RALGPS1: variants seen among roughly 807,000 people sequenced by gnomAD.
RALGPS1 encodes ras-specific guanine nucleotide-releasing factor RalGPS1.
Under a neutral mutation model 78.8 loss-of-function variants are expected in RALGPS1, and 19 were observed. The ratio of observed to expected loss-of-function variants is 0.24; its 90% CI spans 0.17 to 0.35. RALGPS1 has a LOEUF of 0.35. RALGPS1 is among the 10% of genes least tolerant of loss of function. RALGPS1 has a pLI of 1.00. For synonymous variants in RALGPS1, 228 were observed against 256.3 expected, an observed-to-expected ratio of 0.89 and a Z score of 1.06; for missense variants, 454 against 688.3, an observed-to-expected ratio of 0.66 and a Z score of 3.81.
chr9:126,945,348 A>T (rs774069198), intron 1 of RALGPS1, among the ~76,000 whole-genome samples: 1 of 151,784 alleles, frequency 6.6e-6, no homozygotes, highest in African/African-American at 2.4e-5. Flanking sequence ...ACAGGCACTC[A>T]CCACTACACC....
Position 127,212,989 on chromosome 9 carries a change from G to A in RALGPS1, c.1492G>A (p.Val498Met). ...GKKVSIVGWMVQLPDDPEHPD... is the reference protein window; with the variant it reads ...GKKVSIVGWMMQLPDDPEHPD... ...AAAGGTTTCCATCGTGGGCTGGATGGTGCAGCTGCCCGATGACCCCGAGCA... is the reference window on the plus strand; with the variant it reads ...AAAGGTTTCCATCGTGGGCTGGATGATGCAGCTGCCCGATGACCCCGAGCA... The change falls in exon 17 of 19, where the codon GTG (valine) becomes ATG (methionine). Residue 498 changes from valine to methionine, a missense_variant. Transcript: ENST00000259351. This position sits in a 1 kb window ranked among gnomAD's most constrained non-coding sequence, Gnocchi z 6.0. 6.2e-7 allele frequency: 1 copy of A among 1,614,196 alleles called. No individual in the cohort carries two copies. The highest frequency in any genetic ancestry group is 8.5e-7 in the Non-Finnish European group (1 of 1,180,040).
intron 4 of RALGPS1, among the ~76,000 whole-genome samples, chr9:126,979,970 C>A (rs1282194568): frequency 2.0e-5 from 3 of 152,084 alleles, no homozygotes; most frequent in Non-Finnish European, 2.9e-5. Flanking sequence ...GTAAAAGTTT[C>A]CCAGGTAATT....
intron 1 of RALGPS1, among the ~76,000 whole-genome samples, chr9:126,953,151 A>G (rs1308311786): frequency 6.6e-6 from 1 of 152,170 alleles, no homozygotes; most frequent in East Asian, 1.9e-4. Context: ...AAGGAAACCA[A>G]GGTTGCATAT....
rs539249148 is a variant in RALGPS1, at chr9:126,945,677, C to T, written c.-65-16548C>T. 1.6e-3 allele frequency among the ~76,000 whole-genome samples: 242 copies of T among 152,282 alleles called. 3 individuals carry two copies. Among genetic ancestry groups the T allele is most frequent in the African/African-American group, 2.2e-4 (9 of 41,548 alleles). Reference sequence around the variant, plus strand: ...AGGACCATCAGGTCCCATTGTGCATCGGGCCTTCCCTGACACTGCACACAG... The same window carrying T: ...AGGACCATCAGGTCCCATTGTGCATTGGGCCTTCCCTGACACTGCACACAG... On this transcript the variant is annotated intron_variant, in intron 1 of 18. Coordinates refer to ENST00000259351, the MANE Select transcript of RALGPS1 (RefSeq NM_014636.3).
chr9:126,976,403 TCACA>T (rs2040648175), intron 3 of RALGPS1, among the ~76,000 whole-genome samples: 1 of 136,128 alleles, frequency 7.3e-6, no homozygotes, highest in South Asian at 2.5e-4. Context: ...ACATTCACAG[TCACA>T]CACACCATAT....
rs970583076 is a variant in RALGPS1, at chr9:127,156,653, T to C, written c.611-9416T>C. On this transcript the variant is annotated intron_variant, in intron 8 of 18. Coordinates refer to ENST00000259351, the MANE Select transcript of RALGPS1 (RefSeq NM_014636.3). Reference sequence around the variant, plus strand: ...TAGGACTGTTGACTGTCTTATAAATTGCAAATATTTTTCCTATTCTATTTG... The same window carrying C: ...TAGGACTGTTGACTGTCTTATAAATCGCAAATATTTTTCCTATTCTATTTG... 7.9e-5 allele frequency among the ~76,000 whole-genome samples: 12 copies of C among 152,184 alleles called. 1 individual carries two copies. Among genetic ancestry groups the C allele is most frequent in the Non-Finnish European group, 1.3e-4 (9 of 68,004 alleles).
At chr9:126,993,839 G>A (rs748056748) in intron 4 of RALGPS1, among the ~76,000 whole-genome samples, 2 of 152,160 alleles carry the variant, frequency 1.3e-5, no homozygotes, top group Admixed American at 6.5e-5. Flanking sequence ...ACTTCCAGAG[G>A]AACGATCAGG....
intron 10 of RALGPS1, among the ~76,000 whole-genome samples, chr9:127,173,351 G>A (rs1303251557): frequency 6.6e-6 from 1 of 152,132 alleles, no homozygotes; most frequent in Non-Finnish European, 1.5e-5. Flanking sequence ...CCCCCACTCA[G>A]ACCCAGTGAG....
chr9:127,159,524 A>G (rs1439077087), intron 8 of RALGPS1, among the ~76,000 whole-genome samples: 2 of 152,200 alleles, frequency 1.3e-5, no homozygotes, highest in African/African-American at 2.4e-5. Flanking sequence ...AGACCGAGGA[A>G]ACTGTCTCAG....
intron 7 of RALGPS1, among the ~76,000 whole-genome samples, chr9:127,062,722 C>A (rs1461837001): frequency 6.6e-6 from 1 of 152,148 alleles, no homozygotes; most frequent in East Asian, 1.9e-4. Flanking sequence ...TTTAAAATAG[C>A]TTTAGTCAAA....
chr9:127,173,999 C>A (rs2059701616), intron 10 of RALGPS1, among the ~76,000 whole-genome samples: 1 of 151,976 alleles, frequency 6.6e-6, no homozygotes, highest in African/African-American at 2.4e-5. Context: ...GGCGACAGAG[C>A]GAGACTCTGT....
intron 1 of RALGPS1, among the ~76,000 whole-genome samples, chr9:126,951,100 C>G (rs1314557390): frequency 2.0e-5 from 3 of 152,052 alleles, no homozygotes; most frequent in Non-Finnish European, 4.4e-5. Flanking sequence ...CACATACACT[C>G]TCCCAAGTCT....
intron 8 of RALGPS1, among the ~76,000 whole-genome samples, chr9:127,111,475 G>A (rs2054803342): frequency 6.6e-6 from 1 of 152,200 alleles, no homozygotes; most frequent in South Asian, 2.1e-4. Context: ...TTGATGGAAT[G>A]ACAAGACACA....
In RALGPS1 at chr9:127,218,991, C is replaced by G; in HGVS notation, c.*222C>G. Reference sequence around the variant, plus strand: ...TCTCATGACACTCATTCTGCAGCACCGCCTCTTGGGGCAGTGGTCAGACCC... The same window carrying G: ...TCTCATGACACTCATTCTGCAGCACGGCCTCTTGGGGCAGTGGTCAGACCC... On this transcript the variant is annotated 3_prime_UTR_variant, in exon 19 of 19. Coordinates refer to ENST00000259351, the MANE Select transcript of RALGPS1 (RefSeq NM_014636.3). This position sits in a 1 kb window ranked among gnomAD's most constrained non-coding sequence, Gnocchi z 4.4. 1.7e-6 allele frequency: 1 copy of G among 590,714 alleles called. No individual in the cohort carries two copies. Among genetic ancestry groups the G allele is most frequent in the South Asian group, 1.9e-5 (1 of 52,528 alleles). The allele number at this position is 590,714 out of a possible 1,614,324, so 36.6% of individuals were successfully genotyped here. A position where few individuals can be genotyped will look rare whatever the true frequency, so the allele number is the denominator to read the frequency against.
intron 1 of RALGPS1, among the ~76,000 whole-genome samples, chr9:126,948,604 T>G (rs1237584999): frequency 1.3e-5 from 2 of 152,136 alleles, no homozygotes; most frequent in Non-Finnish European, 2.9e-5. Context: ...GACTATAAAT[T>G]TCCTGAGGCC....
intron 14 of RALGPS1, among the ~76,000 whole-genome samples, chr9:127,207,479 G>T (rs1040817713): frequency 6.6e-6 from 1 of 152,184 alleles, no homozygotes; most frequent in Non-Finnish European, 1.5e-5. Context: ...TGGGCTATGA[G>T]CCCCTATGTC....
chr9:127,195,160 G>T lies in RALGPS1; in HGVS notation c.980G>T (p.Gly327Val). The change falls in exon 12 of 19, where the codon GGC becomes GTC. Residue 327 changes from glycine to valine, a missense_variant. Coordinates refer to ENST00000259351, the MANE Select transcript of RALGPS1 (RefSeq NM_014636.3). ...ACCTGTCCTGACACATCTGTTGCTG[G>T]CAGCCTCCCCACACCTCCAGTCCCC... ...RPTCPDTSVA[G>V]SLPTPPVPRH... 1.2e-6 allele frequency: 2 copies of T among 1,612,946 alleles called. No homozygotes were observed. The highest frequency in any genetic ancestry group is 1.7e-6 in the Non-Finnish European group (2 of 1,179,984).
chr9:126,985,104 G>A (rs538176487), intron 4 of RALGPS1, among the ~76,000 whole-genome samples: 2 of 152,330 alleles, frequency 1.3e-5, no homozygotes, highest in South Asian at 2.1e-4. Context: ...CTGTGACTTG[G>A]TTTTGCCCAT....
chr9:126,959,973 A>AT (rs2038720406), intron 1 of RALGPS1, among the ~76,000 whole-genome samples: 1 of 152,196 alleles, frequency 6.6e-6, no homozygotes, highest in Admixed American at 6.5e-5. Context: ...CTTGGGAAGA[A>AT]TGGGAAGGTA....
Sources: gnomAD v4.1 joint callset for allele counts (sites outside exome capture counted in the v4.1 genomes callset) on GRCh38, gnomAD v4.1.1 for gene constraint, Gnocchi (gnomAD v3.1) non-coding constraint, MANE v1.5 for transcripts, NCBI Gene and HGNC (gene_info 2026-07-23, HGNC 2026-07-21) for gene names.